FAM111B: variants seen among roughly 807,000 people sequenced by gnomAD.
FAM111B encodes serine protease FAM111B.
A neutral mutation model predicts 2.8 loss-of-function variants in FAM111B; 1 was observed. The ratio of observed to expected loss-of-function variants is 0.36; its 90% confidence interval spans 0.13 to 1.70. The LOEUF (loss-of-function observed/expected upper bound fraction) is 1.70. Ranked by LOEUF, FAM111B falls within the 40% of genes most tolerant of loss-of-function variation. The probability of loss-of-function intolerance (pLI) is 0.35; values close to 1 mark genes in which losing one functional copy is unlikely to be tolerated. For missense variants in FAM111B, 882 were observed against 878.9 expected (o/e 1.00, Z -0.04); for synonymous variants, 297 against 295.6 (o/e 1.00, Z -0.05).
intron 3 of FAM111B, among the ~76,000 whole-genome samples, chr11:59,122,074 G>A (rs1374046174): frequency 6.6e-6 from 1 of 152,178 alleles, no homozygotes; most frequent in Non-Finnish European, 1.5e-5. Context: ...CCTGGGAAGT[G>A]GAGGTTGCAG....
At chr11:59,117,496 A>G (rs1219264831) in intron 3 of FAM111B, among the ~76,000 whole-genome samples, 2 of 152,154 alleles carry the variant, frequency 1.3e-5, no homozygotes, top group Non-Finnish European at 2.9e-5. Flanking sequence ...ACACTTATCA[A>G]GGGTCCCCAT....
At chr11:59,121,762 A>G (rs1859926320) in intron 3 of FAM111B, among the ~76,000 whole-genome samples, 1 of 152,224 alleles carries the variant, frequency 6.6e-6, no homozygotes, top group Admixed American at 6.5e-5. Flanking sequence ...CCCCAGAAAT[A>G]ACAGAAATAT....
intron 3 of FAM111B, among the ~76,000 whole-genome samples, chr11:59,123,308 A>G (rs923492771): frequency 6.6e-5 from 10 of 152,214 alleles, no homozygotes; most frequent in African/African-American, 1.9e-4. Flanking sequence ...ACAGAATTTT[A>G]TCTATCAATT....
chr11:59,107,848 C>T (rs1217235171), intron 1 of FAM111B, among the ~76,000 whole-genome samples: 1 of 152,190 alleles, frequency 6.6e-6, no homozygotes, highest in Non-Finnish European at 1.5e-5. Context: ...GTATGGTAAT[C>T]AGCAAGGATT....
Position 59,113,349 on chromosome 11 carries a change from C to T in FAM111B, c.81+3643C>T, listed in dbSNP as rs184435283. On this transcript the variant is annotated intron_variant, in intron 3 of 3. Transcript: ENST00000343597. ...GCTGTGGGGTACCTGGGAGAATAGGCAAACCTGGTGGATGAAGGCAGAGCA... is the reference window on the plus strand; with the variant it reads ...GCTGTGGGGTACCTGGGAGAATAGGTAAACCTGGTGGATGAAGGCAGAGCA... Among the ~76,000 whole-genome samples, 194 of 152,242 alleles carry T rather than the reference C, an allele frequency of 1.3e-3. 1 individual carries two copies. The highest frequency in any genetic ancestry group is 4.5e-3 in the African/African-American group (187 of 41,548).
intron 3 of FAM111B, among the ~76,000 whole-genome samples, chr11:59,117,518 CT>C (rs1204252016): frequency 1.3e-5 from 2 of 152,136 alleles, no homozygotes; most frequent in Admixed American, 6.5e-5. Context: ...AGAGCCTGGC[CT>C]TTCACATATA....
At position 59,125,209 on chromosome 11, in the gene FAM111B, G is replaced by T. The variant is rs1860001112; in HGVS notation, c.1112G>T (p.Gly371Val). 1 of 1,613,838 alleles carries T rather than the reference G, an allele frequency of 6.2e-7. No homozygotes were observed. Among genetic ancestry groups the T allele is most frequent in the African/African-American group, 1.3e-5 (1 of 74,892 alleles). The stretch of plus-strand genomic sequence containing the variant: ...CAAGTTAGACGGAGGCCGCATCTGG[G>T]TAGGCGGTATGCTATTAATCTGGAT... ...NSQVRRRPHL[G>V]RRYAINLDVQ... is the part of the protein sequence containing the mutation. Residue 371 changes from glycine (G) to valine (V), a missense_variant, in exon 4 of 4, where the codon GGT becomes GTT. Transcript: ENST00000343597.
rs1160274274 is a variant in FAM111B, at chr11:59,126,916, T to C, written c.*614T>C. On this transcript the variant is annotated 3_prime_UTR_variant, in exon 4 of 4. Coordinates refer to ENST00000343597, the MANE Select transcript of FAM111B (RefSeq NM_198947.4). ...ATATGTCCAAAGGAATATAAATTGT[T>C]CTACCATAAAGACATGCACATATAT... 1 of 156,070 alleles carries C rather than the reference T, an allele frequency of 6.4e-6. No individual in the cohort carries two copies. Among genetic ancestry groups the C allele is most frequent in the Non-Finnish European group, 1.5e-5 (1 of 68,054 alleles). 9.7% of individuals were successfully genotyped at this position (156,070 alleles called of 1,614,324 possible). A position where few individuals can be genotyped will look rare whatever the true frequency, so the allele number is the denominator to read the frequency against.
rs1178871226 is a variant in FAM111B, at chr11:59,126,482, T to C, written c.*180T>C. 2 of 484,622 alleles carry C rather than the reference T, an allele frequency of 4.1e-6. No homozygotes were observed. The highest frequency in any genetic ancestry group is 4.3e-5 in the African/African-American group (2 of 45,984). 30.0% of individuals were successfully genotyped at this position (484,622 alleles called of 1,614,324 possible). A position where few individuals can be genotyped will look rare whatever the true frequency, so the allele number is the denominator to read the frequency against. ...ACACAACCTACGGAATGGGAGAAAA[T>C]ATTTGCAAACTATGCATACAGCAAA... On this transcript the variant is annotated 3_prime_UTR_variant, in exon 4 of 4. Transcript: ENST00000343597.
At chr11:59,109,781 A>G (rs992498079) in intron 3 of FAM111B, 75 bp downstream of exon 3, 27 of 955,266 alleles carry the variant, frequency 2.8e-5, no homozygotes, top group Non-Finnish European at 4.1e-5. Flanking sequence ...CTTGGAGATA[A>G]GTTCTTAAAC....
chr11:59,112,065 A>T (rs1484058340), intron 3 of FAM111B, among the ~76,000 whole-genome samples: 1 of 152,200 alleles, frequency 6.6e-6, no homozygotes, highest in Admixed American at 6.5e-5. Flanking sequence ...GCCTGCAGTA[A>T]TGTAACCATG....
intron 3 of FAM111B, 98 bp from the exon 4 acceptor site, chr11:59,124,081 A>C: frequency 1.3e-6 from 1 of 759,662 alleles, no homozygotes; most frequent in Non-Finnish European, 2.0e-6. Flanking sequence ...TATATTATCT[A>C]ATTTTTATTC....
intron 3 of FAM111B, among the ~76,000 whole-genome samples, chr11:59,120,039 A>C (rs1037163996): frequency 1.3e-5 from 2 of 152,214 alleles, no homozygotes; most frequent in Non-Finnish European, 1.5e-5. Context: ...CAGCAATATC[A>C]GAAAATGTAA....
chr11:59,118,556 C>G lies in FAM111B; in HGVS notation c.82-5623C>G, dbSNP rs11229822. Reference sequence around the variant, plus strand: ...TGATCCAGATGCCTTTTATTTCTTTCTGTTTTTTATTGCACTGGCTAAAAC... The same window carrying G: ...TGATCCAGATGCCTTTTATTTCTTTGTGTTTTTTATTGCACTGGCTAAAAC... On this transcript the variant is annotated intron_variant, in intron 3 of 3. Transcript: ENST00000343597. 9.9e-3 allele frequency among the ~76,000 whole-genome samples: 1,500 copies of G among 152,258 alleles called. 22 individuals carry two copies. Among genetic ancestry groups the G allele is most frequent in the African/African-American group, 0.034 (1,416 of 41,530 alleles).
intron 3 of FAM111B, among the ~76,000 whole-genome samples, chr11:59,118,105 G>A (rs932325178): frequency 6.6e-6 from 1 of 152,168 alleles, no homozygotes; most frequent in Non-Finnish European, 1.5e-5. Flanking sequence ...CCAACTAGAG[G>A]TACTTTCCAT....
intron 3 of FAM111B, among the ~76,000 whole-genome samples, chr11:59,111,148 T>C (rs990831493): frequency 2.0e-5 from 3 of 152,178 alleles, no homozygotes; most frequent in African/African-American, 7.2e-5. Context: ...TATCAGATGC[T>C]TTACTCTCCC....
intron 1 of FAM111B, among the ~76,000 whole-genome samples, chr11:59,108,416 C>A (rs1432001807): frequency 2.2e-4 from 34 of 152,300 alleles, no homozygotes; most frequent in African/African-American, 7.7e-4. Context: ...GGTCTCCCAC[C>A]ATGTCTTTGG....
chr11:59,118,435 A>G (rs186882183), intron 3 of FAM111B, among the ~76,000 whole-genome samples: 179 of 152,324 alleles, frequency 1.2e-3, no homozygotes, highest in African/African-American at 4.2e-3. Flanking sequence ...ATTTCCTACA[A>G]TATATTTTAG....
chr11:59,112,525 A>G (rs1468657076), intron 3 of FAM111B, among the ~76,000 whole-genome samples: 1 of 152,222 alleles, frequency 6.6e-6, no homozygotes, highest in Non-Finnish European at 1.5e-5. Flanking sequence ...TTCACCTAGC[A>G]GTGGAATTGC....
Sources: allele counts gnomAD v4.1 joint callset (sites outside exome capture counted in the v4.1 genomes callset), GRCh38; gene constraint gnomAD v4.1.1; transcripts MANE v1.5; gene names NCBI Gene and HGNC (gene_info 2026-07-23, HGNC 2026-07-21).